Variants in ECHDC3 observed in about 807,000 individuals in gnomAD.
ECHDC3 encodes the protein enoyl-CoA hydratase domain-containing protein 3, mitochondrial.
A neutral mutation model predicts 17.9 loss-of-function variants in ECHDC3; 20 were observed. That is an observed-to-expected ratio of 1.12 (90% CI 0.79 to 1.63). The LOEUF (loss-of-function observed/expected upper bound fraction) is 1.63. ECHDC3 is among the 40% of genes most tolerant of loss of function. The pLI is 0.00. For synonymous variants in ECHDC3, 177 were observed against 149.7 expected, an observed-to-expected ratio of 1.18 and a Z score of -1.33; for missense variants, 407 against 357.7, an observed-to-expected ratio of 1.14 and a Z score of -1.11.
chr10:11,744,458 C>T (rs1832737564), intron 1 of ECHDC3, among the ~76,000 whole-genome samples: 1 of 152,186 alleles, frequency 6.6e-6, no homozygotes, highest in South Asian at 2.1e-4. Flanking sequence ...ATGACAGTCC[C>T]TCACTTCAGG....
Position 11,747,345 on chromosome 10 carries a change from A to G in ECHDC3, c.171-4A>G, listed in dbSNP as rs145011248. On this transcript the variant is annotated splice_region_variant and splice_polypyrimidine_tract_variant and intron_variant, in intron 1 of 4. Coordinates refer to ENST00000379215, the MANE Select transcript of ECHDC3 (RefSeq NM_024693.5). ...ACCCTGTGATTGTAAAATGTTCTTC[A>G]CAGGAACATCGTCTTGAGCAATCCC... 1.2e-6 allele frequency: 2 copies of G among 1,613,446 alleles called. No individual in the cohort carries two copies. The highest frequency in any genetic ancestry group is 1.3e-5 in the African/African-American group (1 of 74,892).
intron 3 of ECHDC3, 79 bp downstream of exon 3, chr10:11,749,671 A>G: frequency 1.4e-6 from 2 of 1,420,644 alleles, no homozygotes. Flanking sequence ...TCGACCTTAC[A>G]GATAAGATTT....
At chr10:11,750,814 AATG>A (rs535168213) in intron 3 of ECHDC3, among the ~76,000 whole-genome samples, 205 of 152,334 alleles carry the variant, frequency 1.3e-3, no homozygotes, top group African/African-American at 4.8e-3. Flanking sequence ...TTTGGTCATT[AATG>A]ATTTCACAGA....
intron 1 of ECHDC3, chr10:11,743,050 G>C: frequency 3.4e-6 from 1 of 298,138 alleles, no homozygotes; most frequent in Admixed American, 5.2e-5. Flanking sequence ...CCTAGGGGAA[G>C]TGTGGGCTTG....
chr10:11,747,246 T>C, intron 1 of ECHDC3, 103 bp from the exon 2 acceptor site: 1 of 1,462,762 alleles, frequency 6.8e-7, no homozygotes, highest in South Asian at 1.3e-5. Context: ...CAGTTCTCCT[T>C]TCTTGTCTGT....
chr10:11,749,848 T>C (rs1832805345), intron 3 of ECHDC3, among the ~76,000 whole-genome samples: 1 of 145,510 alleles, frequency 6.9e-6, no homozygotes, highest in Non-Finnish European at 1.5e-5. Context: ...CAGGCTGGAG[T>C]GCAGTGGTGC....
rs372070150 is a variant in ECHDC3, at chr10:11,759,286, G to A, written c.591+3678G>A. Among the ~76,000 whole-genome samples, 26 of 151,750 alleles carry A rather than the reference G, an allele frequency of 1.7e-4. No individual in the cohort carries two copies. In the South Asian group the frequency reaches 5.0e-3, roughly 29 times the overall value. The stretch of plus-strand genomic sequence containing the variant: ...GGAGAATCACTTGAACCCTGGAGGC[G>A]GAGGTTGCAGTGAGCCGAGGTCGTG... On this transcript the variant is annotated intron_variant, in intron 4 of 4. Coordinates refer to ENST00000379215, the MANE Select transcript of ECHDC3 (RefSeq NM_024693.5).
chr10:11,755,150 A>C (rs1468743233), intron 3 of ECHDC3, among the ~76,000 whole-genome samples: 1 of 151,988 alleles, frequency 6.6e-6, no homozygotes, highest in African/African-American at 2.4e-5. Flanking sequence ...GTAAAACCCC[A>C]TCTTTACTAA....
chr10:11,763,455 G>T lies in ECHDC3; in HGVS notation c.823G>T (p.Val275Leu). The change falls in exon 5 of 5, where the codon GTG becomes TTG. Residue 275 changes from valine (V) to leucine (L), a missense_variant. Coordinates refer to ENST00000379215, the MANE Select transcript of ECHDC3 (RefSeq NM_024693.5). The surrounding 1 kb of genome is among the most constrained non-coding windows in gnomAD (Gnocchi z 4.9). ...TAYYLTSQAM[V>L]DNLALRDGQE... The stretch of plus-strand genomic sequence containing the variant: ...TTACTACCTCACCTCCCAGGCCATG[G>T]TGGACAACCTGGCCCTGCGGGACGG... 1.1e-6 allele frequency: 1 copy of T among 937,960 alleles called. No homozygotes were observed. Among genetic ancestry groups the T allele is most frequent in the Non-Finnish European group, 1.7e-6 (1 of 573,920 alleles). 58.1% of individuals were successfully genotyped at this position (937,960 alleles called of 1,614,324 possible).
chr10:11,756,915 C>T (rs953946076), intron 4 of ECHDC3, among the ~76,000 whole-genome samples: 1 of 152,004 alleles, frequency 6.6e-6, no homozygotes, highest in African/African-American at 2.4e-5. Flanking sequence ...TTGTATTTTT[C>T]GTAGAGATGG....
intron 2 of ECHDC3, among the ~76,000 whole-genome samples, chr10:11,748,546 T>C (rs191540507): frequency 4.3e-4 from 66 of 151,878 alleles, no homozygotes; most frequent in African/African-American, 1.5e-3. Flanking sequence ...CTTAACTACA[T>C]AATTACCTCA....
intron 3 of ECHDC3, 146 bp from the exon 4 acceptor site, chr10:11,755,262 G>A (rs1210292415): frequency 3.0e-6 from 2 of 675,456 alleles, no homozygotes; most frequent in African/African-American, 3.7e-5. Flanking sequence ...GGAGGAAGAG[G>A]TTGCAGTGAG....
intron 2 of ECHDC3, 68 bp from the exon 3 acceptor site, chr10:11,749,427 G>A: frequency 6.7e-7 from 1 of 1,494,486 alleles, no homozygotes; most frequent in Non-Finnish European, 9.3e-7. Flanking sequence ...ACAAGGAAGG[G>A]AACTAACTGC....
intron 1 of ECHDC3, 90 bp from the exon 2 acceptor site, chr10:11,747,259 A>G: frequency 6.5e-7 from 1 of 1,533,558 alleles, no homozygotes; most frequent in Non-Finnish European, 8.8e-7. Flanking sequence ...TTGTCTGTTA[A>G]AAATACCTCC....
Position 11,763,627 on chromosome 10 carries a change from T to C in ECHDC3, c.*83T>C. ...GCCCAGCCACCACTGCCTCTCAGCT[T>C]CAACAGGTGACAGGCTGCTTTCGTG... On this transcript the variant is annotated 3_prime_UTR_variant, in exon 5 of 5. Transcript: ENST00000379215. This position sits in a 1 kb window ranked among gnomAD's most constrained non-coding sequence, Gnocchi z 4.9. 7.0e-7 allele frequency: 1 copy of C among 1,435,966 alleles called. No individual in the cohort carries two copies. The highest frequency in any genetic ancestry group is 9.1e-7 in the Non-Finnish European group (1 of 1,098,588). The allele number at this position is 1,435,966 out of a possible 1,614,324, so 89.0% of individuals were successfully genotyped here. A position where few individuals can be genotyped will look rare whatever the true frequency, so the allele number is the denominator to read the frequency against.
intron 1 of ECHDC3, 40 bp downstream of exon 1, chr10:11,742,786 A>G: frequency 8.2e-7 from 1 of 1,223,960 alleles, no homozygotes; most frequent in Non-Finnish European, 1.0e-6. Context: ...GTTGGTGCCG[A>G]GTCGGGGTCA....
rs1171929859 is a variant in ECHDC3, at chr10:11,763,559, G to A, written c.*15G>A. ...AGCCAGTGTGAGTGGAGGCAGAGGAGTGAGGCCCACGGGCAGCGCCCAGGA... is the reference window on the plus strand; with the variant it reads ...AGCCAGTGTGAGTGGAGGCAGAGGAATGAGGCCCACGGGCAGCGCCCAGGA... On this transcript the variant is annotated 3_prime_UTR_variant, in exon 5 of 5. Transcript: ENST00000379215. The surrounding 1 kb of genome is among the most constrained non-coding windows in gnomAD (Gnocchi z 4.9). 12 of 1,493,462 alleles carry A rather than the reference G, an allele frequency of 8.0e-6. No individual in the cohort carries two copies. Among genetic ancestry groups the A allele is most frequent in the Non-Finnish European group, 8.9e-6 (10 of 1,121,400 alleles). The allele number at this position is 1,493,462 out of a possible 1,614,324, so 92.5% of individuals were successfully genotyped here. A position where few individuals can be genotyped will look rare whatever the true frequency, so the allele number is the denominator to read the frequency against.
rs530257623 is a variant in ECHDC3, at chr10:11,763,209, C to G, written c.592-15C>G. 1 of 760,406 alleles carries G rather than the reference C, an allele frequency of 1.3e-6. No homozygotes were observed. 47.1% of individuals were successfully genotyped at this position (760,406 alleles called of 1,614,324 possible). A position where few individuals can be genotyped will look rare whatever the true frequency, so the allele number is the denominator to read the frequency against. ...ACAGGAGAGCACCTCAGTGACATCC[C>G]GTGTCTCCCCGTAGGTGGCCTTGGA... On this transcript the variant is annotated splice_polypyrimidine_tract_variant and intron_variant, in intron 4 of 4. Coordinates refer to ENST00000379215, the MANE Select transcript of ECHDC3 (RefSeq NM_024693.5). This position sits in a 1 kb window ranked among gnomAD's most constrained non-coding sequence, Gnocchi z 4.9.
At chr10:11,758,242 GCA>G (rs1304631291) in intron 4 of ECHDC3, among the ~76,000 whole-genome samples, 2 of 152,132 alleles carry the variant, frequency 1.3e-5, no homozygotes, top group Non-Finnish European at 2.9e-5. Flanking sequence ...CTCTCCTTGG[GCA>G]TGATCTAAAT....
Sources: gnomAD v4.1 joint callset for allele counts (sites outside exome capture counted in the v4.1 genomes callset) on GRCh38, gnomAD v4.1.1 for gene constraint, Gnocchi (gnomAD v3.1) non-coding constraint, MANE v1.5 for transcripts, NCBI Gene and HGNC (gene_info 2026-07-23, HGNC 2026-07-21) for gene names.